NRXN3: variants seen among roughly 807,000 people sequenced by gnomAD.
The protein encoded by NRXN3 is neurexin III.
Under a neutral mutation model 137.6 loss-of-function variants are expected in NRXN3, and 32 were observed. The ratio of observed to expected loss-of-function variants is 0.23; its 90% CI spans 0.18 to 0.31. The LOEUF (loss-of-function observed/expected upper bound fraction) is 0.31. Among genes scored for constraint, NRXN3 ranks in the 10% least tolerant of loss-of-function variants. The pLI is 1.00. For synonymous variants in NRXN3, 798 were observed against 784.5 expected (o/e 1.02, Z -0.29); for missense variants, 1,574 against 2,062.5 (o/e 0.76, Z 4.59).
At chr14:79,838,731 G>A (rs555673810) in intron 20 of NRXN3, among the ~76,000 whole-genome samples, 4 of 152,216 alleles carry the variant, frequency 2.6e-5, no homozygotes, top group Admixed American at 1.3e-4. Context: ...GTCCACCCTC[G>A]AACACCATGC....
chr14:79,758,182 C>T (rs746043311), intron 19 of NRXN3, among the ~76,000 whole-genome samples: 10 of 152,018 alleles, frequency 6.6e-5, no homozygotes, highest in Non-Finnish European at 8.8e-5. Flanking sequence ...CCTCTTATTC[C>T]CTTTATATGT....
At chr14:78,542,087 C>T (rs2096595230) in intron 4 of NRXN3, among the ~76,000 whole-genome samples, 1 of 152,230 alleles carries the variant, frequency 6.6e-6, no homozygotes, top group Non-Finnish European at 1.5e-5. Flanking sequence ...TGTCTGTCAT[C>T]CCCTACTGGG....
intron 8 of NRXN3, among the ~76,000 whole-genome samples, chr14:78,746,525 C>T (rs1413256292): frequency 5.3e-5 from 8 of 152,168 alleles, no homozygotes; most frequent in South Asian, 2.1e-4. Flanking sequence ...CAAGCCCACT[C>T]GAGTGTCTTG....
chr14:78,193,550 G>A (rs1397692291), intron 1 of NRXN3, among the ~76,000 whole-genome samples: 1 of 151,984 alleles, frequency 6.6e-6, no homozygotes, highest in Non-Finnish European at 1.5e-5. Context: ...GCCAAAGTTA[G>A]GTGTGATTCA....
chr14:78,411,997 T>G (rs111810756), intron 4 of NRXN3, among the ~76,000 whole-genome samples: 63 of 152,340 alleles, frequency 4.1e-4, no homozygotes, highest in African/African-American at 1.4e-3. Flanking sequence ...AATCTTTCTA[T>G]TTCTCAATTT....
intron 15 of NRXN3, among the ~76,000 whole-genome samples, chr14:79,385,907 C>A (rs754294707): frequency 2.0e-5 from 3 of 152,178 alleles, no homozygotes; most frequent in Non-Finnish European, 2.9e-5. Context: ...ATTCAACAGC[C>A]CTTCATGCTA....
chr14:78,953,704 C>G (rs1393222823), intron 10 of NRXN3, among the ~76,000 whole-genome samples: 4 of 152,126 alleles, frequency 2.6e-5, no homozygotes, highest in African/African-American at 9.7e-5. Flanking sequence ...TTAACATTCT[C>G]TACTTAGATC....
intron 15 of NRXN3, among the ~76,000 whole-genome samples, chr14:78,989,835 A>T (rs927788705): frequency 2.0e-5 from 3 of 152,212 alleles, no homozygotes; most frequent in Admixed American, 2.0e-4. Flanking sequence ...GACTCTCCAC[A>T]CAGAACAGGT....
intron 6 of NRXN3, among the ~76,000 whole-genome samples, chr14:78,659,253 C>T (rs1249792783): frequency 2.0e-5 from 3 of 152,112 alleles, no homozygotes; most frequent in East Asian, 3.9e-4. Context: ...TTGCTGAAAC[C>T]TTGAACTTGG....
chr14:78,616,498 C>T lies in NRXN3; in HGVS notation c.758-28622C>T, dbSNP rs535209862. Among the ~76,000 whole-genome samples, 109 of 152,300 alleles carry T rather than the reference C, an allele frequency of 7.2e-4. 1 individual carries two copies. Among genetic ancestry groups the T allele is most frequent in the Middle Eastern group, 3.4e-3 (1 of 294 alleles). On this transcript the variant is annotated intron_variant, in intron 4 of 20. Coordinates refer to ENST00000335750, the MANE Select transcript of NRXN3 (RefSeq NM_001330195.2). Reference sequence around the variant, plus strand: ...TTATTCCACCCTGATCTTGTCTCCACGGAGTTTTTAGCACGATTCAAAGTT... The same window carrying T: ...TTATTCCACCCTGATCTTGTCTCCATGGAGTTTTTAGCACGATTCAAAGTT...
chr14:78,446,991 T>C (rs2094436707), intron 4 of NRXN3, among the ~76,000 whole-genome samples: 1 of 152,186 alleles, frequency 6.6e-6, no homozygotes, highest in South Asian at 2.1e-4. Context: ...GCCTGAGTGT[T>C]TCTGTCCATG....
chr14:78,684,876 A>G (rs562385927), intron 6 of NRXN3, among the ~76,000 whole-genome samples: 2 of 152,344 alleles, frequency 1.3e-5, no homozygotes, highest in African/African-American at 4.8e-5. Context: ...TTATACATAA[A>G]TATCATGCAA....
chr14:79,275,034 C>T (rs1046846835), intron 15 of NRXN3, among the ~76,000 whole-genome samples: 12 of 151,962 alleles, frequency 7.9e-5, no homozygotes, highest in Non-Finnish European at 1.6e-4. Context: ...TAATCAAAAT[C>T]CGCTTTTATG....
chr14:79,386,973 A>T (rs1396656618), intron 15 of NRXN3, among the ~76,000 whole-genome samples: 1 of 152,236 alleles, frequency 6.6e-6, no homozygotes, highest in African/African-American at 2.4e-5. Context: ...AAAGACTTAA[A>T]TGTTAGACCT....
At chr14:78,257,535 T>C (rs371452936) in intron 2 of NRXN3, among the ~76,000 whole-genome samples, 13 of 152,340 alleles carry the variant, frequency 8.5e-5, no homozygotes, top group African/African-American at 3.1e-4. Context: ...GAGGAAACTT[T>C]GCAGAGCAAA....
intron 6 of NRXN3, among the ~76,000 whole-genome samples, chr14:78,652,120 C>T (rs1296316529): frequency 6.6e-6 from 1 of 152,198 alleles, no homozygotes; most frequent in Non-Finnish European, 1.5e-5. Context: ...TGTACCCTGT[C>T]TAAAATATAA....
chr14:78,994,028 A>AT (rs1186461977), intron 15 of NRXN3, among the ~76,000 whole-genome samples: 4 of 150,682 alleles, frequency 2.7e-5, no homozygotes, highest in East Asian at 2.0e-4. Flanking sequence ...TAATTTTTGT[A>AT]TTTTTTTAGT....
chr14:79,071,184 G>A (rs569320666), intron 15 of NRXN3, among the ~76,000 whole-genome samples: 2 of 151,396 alleles, frequency 1.3e-5, no homozygotes, highest in African/African-American at 2.4e-5. Flanking sequence ...ATAACACAGA[G>A]CTTGATTGTT....
At chr14:79,749,436 G>GT (rs112453553) in intron 19 of NRXN3, among the ~76,000 whole-genome samples, 61,728 of 148,320 alleles carry the variant, frequency 0.42, 12,952 homozygotes, top group Middle Eastern at 0.51. Context: ...CTTCAGTGTT[G>GT]TTTTTTTTTT....
Sources: allele counts gnomAD v4.1 joint callset (sites outside exome capture counted in the v4.1 genomes callset), GRCh38; gene constraint gnomAD v4.1.1; transcripts MANE v1.5; gene names NCBI Gene and HGNC (gene_info 2026-07-23, HGNC 2026-07-21).